The following FANCD2 variants were observed in gnomAD, a reference collection of about 807,000 sequenced individuals.
The protein encoded by FANCD2 is Fanconi anemia group D2 protein.
Under a neutral mutation model 192.3 loss-of-function variants are expected in FANCD2, and 131 were observed. The observed-to-expected ratio is 0.68, with a 90% CI of 0.59 to 0.79. FANCD2 has a LOEUF of 0.79. Ranked by LOEUF, FANCD2 falls within the 30% of genes least tolerant of loss-of-function variation. The pLI, the probability that FANCD2 is intolerant of heterozygous loss-of-function variation, is 0.00. For synonymous variants in FANCD2, 524 were observed against 612.5 expected, an observed-to-expected ratio of 0.86 and a Z score of 2.13; for missense variants, 1,508 against 1,701.6, an observed-to-expected ratio of 0.89 and a Z score of 2.00.
chr3:10,042,894 G>T lies in FANCD2; in HGVS notation c.889-156G>T, dbSNP rs572288778. On this transcript the variant is annotated intron_variant, in intron 11 of 43. Transcript: ENST00000675286. Reference sequence around the variant, plus strand: ...TTTGGGTATGATGTTCTATGACATTGCATTGGCTATTCTCATAACTCTATT... The same window carrying T: ...TTTGGGTATGATGTTCTATGACATTTCATTGGCTATTCTCATAACTCTATT... Among the ~76,000 whole-genome samples, 11 of 152,288 alleles carry T rather than the reference G, an allele frequency of 7.2e-5. No individual in the cohort carries two copies. In the South Asian group the frequency reaches 1.0e-3, roughly 14 times the overall value.
In FANCD2 at chr3:10,095,185, A is replaced by G; in HGVS notation, c.3964-15A>G. ...AGGACATTTCATAGAGCATTTATAA[A>G]CTTATTGGTTATAGGAAGATGTTCT... On this transcript the variant is annotated splice_polypyrimidine_tract_variant and intron_variant, in intron 40 of 43. Coordinates refer to ENST00000675286, the MANE Select transcript of FANCD2 (RefSeq NM_001018115.3). The G allele has an allele frequency of 6.2e-7, 1 of 1,605,814 alleles. No individual in the cohort carries two copies.
chr3:10,094,768 A>T, intron 40 of FANCD2: 1 of 315,830 alleles, frequency 3.2e-6, no homozygotes, highest in Non-Finnish European at 6.1e-6. Flanking sequence ...CAGTCTTGAC[A>T]GTTTTTTAGC....
chr3:10,083,240 T>A (rs576558480), intron 32 of FANCD2, among the ~76,000 whole-genome samples: 161 of 151,026 alleles, frequency 1.1e-3, no homozygotes, highest in African/African-American at 3.8e-3. Context: ...AAAAAAAAAA[T>A]CTGGGCCCCA....
In FANCD2 at chr3:10,076,695, A is replaced by G. The variant is rs138668703; in HGVS notation, c.2860-1386A>G. Among the ~76,000 whole-genome samples, 1,224 of 152,160 alleles carry G rather than the reference A, an allele frequency of 8.0e-3. 18 individuals are homozygous for G. Among genetic ancestry groups the G allele is most frequent in the African/African-American group, 0.028 (1,147 of 41,524 alleles). On this transcript the variant is annotated intron_variant, in intron 29 of 43. Transcript: ENST00000675286. ...CTTCCAAGTATCTAGGGCCACTGGC[A>G]TGCCCCACTACACCCGGCTAGTTTT...
chr3:10,046,873 T>C lies in FANCD2; in HGVS notation c.1278+150T>C. 4.1e-6 allele frequency: 3 copies of C among 731,856 alleles called. No individual in the cohort carries two copies. In the South Asian group the frequency reaches 5.4e-5, roughly 13 times the overall value. 45.3% of individuals were successfully genotyped at this position (731,856 alleles called of 1,614,324 possible). ...TAATCATTTTAATTGTCTATCTCAA[T>C]GCAGTTTGCAACTTTGACAAACTGG... On this transcript the variant is annotated intron_variant, in intron 15 of 43. Coordinates refer to ENST00000675286, the MANE Select transcript of FANCD2 (RefSeq NM_001018115.3).
chr3:10,093,320 G>A lies in FANCD2; in HGVS notation c.3885G>A (p.Leu1295=), dbSNP rs759280640. 2.5e-6 allele frequency: 4 copies of A among 1,611,780 alleles called. No individual in the cohort carries two copies. In the South Asian group the frequency reaches 4.4e-5, roughly 18 times the overall value. ...GTCATCCTGTTCTGCATGTATGTTT[G>A]AAGGTGAGAGATTTACTGGGCCCTG... ...FDSHPVLHVC[L]KYGRLFVEAF... The change falls in exon 39 of 44, where the codon TTG becomes TTA. Residue 1295 remains leucine, a synonymous_variant. Transcript: ENST00000675286.
Position 10,087,244 on chromosome 3 carries a change from C to G in FANCD2, c.3446C>G (p.Ala1149Gly), listed in dbSNP as rs147675860. 1 of 1,605,114 alleles carries G rather than the reference C, an allele frequency of 6.2e-7. No homozygotes were observed. Among genetic ancestry groups the G allele is most frequent in the Non-Finnish European group, 8.5e-7 (1 of 1,176,716 alleles). ...ATTTTGGAGAAATCAACAGCTTCTG[C>G]TCAGAACAAAGAAAAAATTGGTGAT... ...MVILEKSTAS[A>G]QNKEKIASLA... Residue 1149 changes from alanine to glycine, a missense_variant, in exon 34 of 44, where the codon GCT (alanine) becomes GGT (glycine). By Grantham distance (60) the Ala-to-Gly change is moderately conservative. Transcript: ENST00000675286.
At chr3:10,076,628 G>C (rs1376296859) in intron 29 of FANCD2, among the ~76,000 whole-genome samples, 1 of 151,992 alleles carries the variant, frequency 6.6e-6, no homozygotes, top group Non-Finnish European at 1.5e-5. Flanking sequence ...CTGCAACCTT[G>C]AACTCCTGGG....
intron 32 of FANCD2, among the ~76,000 whole-genome samples, chr3:10,084,139 G>A (rs544820499): frequency 4.6e-5 from 7 of 151,532 alleles, no homozygotes; most frequent in South Asian, 2.1e-4. Flanking sequence ...GATTACATGC[G>A]CCTGCCACTG....
chr3:10,035,387 G>A (rs570726877), intron 6 of FANCD2, among the ~76,000 whole-genome samples, 154 bp downstream of exon 6: 1 of 152,126 alleles, frequency 6.6e-6, no homozygotes, highest in African/African-American at 2.4e-5. Flanking sequence ...GATGGGTTTG[G>A]TAGGGTAATG....
At chr3:10,055,998 C>T (rs2125020229) in intron 18 of FANCD2, among the ~76,000 whole-genome samples, 1 of 152,272 alleles carries the variant, frequency 6.6e-6, no homozygotes, top group Admixed American at 6.5e-5. Context: ...CTTGCCTCAG[C>T]CTCCTGAGTA....
At chr3:10,059,815 A>T (rs1325058828) in intron 18 of FANCD2, among the ~76,000 whole-genome samples, 1 of 151,998 alleles carries the variant, frequency 6.6e-6, no homozygotes, top group African/African-American at 2.4e-5. Flanking sequence ...CAAAGAAAAA[A>T]AAAAAAAGTC....
intron 43 of FANCD2, among the ~76,000 whole-genome samples, chr3:10,100,983 C>T (rs554984781): frequency 2.0e-5 from 3 of 151,926 alleles, no homozygotes; most frequent in South Asian, 2.1e-4. Context: ...GCAGGGGAAT[C>T]GCTTGAACCC....
At chr3:10,053,936 A>G (rs1041021559) in intron 18 of FANCD2, among the ~76,000 whole-genome samples, 2 of 152,110 alleles carry the variant, frequency 1.3e-5, no homozygotes, top group Non-Finnish European at 2.9e-5. Flanking sequence ...GGCGCCATTC[A>G]CTGAAAAAGC....
intron 6 of FANCD2, 151 bp from the exon 7 acceptor site, chr3:10,036,136 G>A: frequency 1.8e-6 from 1 of 552,754 alleles, no homozygotes; most frequent in South Asian, 1.8e-5. Flanking sequence ...ACCCAGGCTG[G>A]AGTGGAGTGG....
rs752360517 is a variant in FANCD2 at position 10,043,064 on chromosome 3, T to C, written c.903T>C (p.Leu301=). The C allele has an allele frequency of 6.2e-7, 1 of 1,614,100 alleles. No homozygotes were observed. Among genetic ancestry groups the C allele is most frequent in the Admixed American group, 1.7e-5 (1 of 60,016 alleles). Residue 301 remains leucine (L), a synonymous_variant, in exon 12 of 44, where the codon CTT becomes CTC. Coordinates refer to ENST00000675286, the MANE Select transcript of FANCD2 (RefSeq NM_001018115.3). ...ACTTTCTGCAGGTAATTTCTGAGCT[T>C]CGGGAGAAGTTGGATCTGCAGCATT... ...AMDTLEVISE[L]REKLDLQHCV...
chr3:10,030,272 T>A (rs183267315), intron 2 of FANCD2, among the ~76,000 whole-genome samples: 18 of 151,680 alleles, frequency 1.2e-4, no homozygotes, highest in Admixed American at 2.0e-4. Context: ...AATTTTTGTA[T>A]TTTTAGTAGA....
chr3:10,054,353 GTATATATATATATACGTGTATATA>G (rs2087312873), intron 18 of FANCD2, among the ~76,000 whole-genome samples: 1 of 103,204 alleles, frequency 9.7e-6, no homozygotes, highest in African/African-American at 4.9e-5. Flanking sequence ...ATATATATAC[GTATATATATATATACGTGTATATA>G]CATATATATA....
Position 10,050,101 on chromosome 3 carries a change from C to T in FANCD2, c.1545+596C>T, listed in dbSNP as rs35966961. On this transcript the variant is annotated intron_variant, in intron 17 of 43. Transcript: ENST00000675286. ...CAAATAACATGCTAAAGAGTTTCAACTTTATTTTTTAGACAATAAGGAGCT... is the reference window on the plus strand; with the variant it reads ...CAAATAACATGCTAAAGAGTTTCAATTTTATTTTTTAGACAATAAGGAGCT... Among the ~76,000 whole-genome samples the T allele has an allele frequency of 4.4e-3, 674 of 152,234 alleles. 6 individuals carry two copies. The highest frequency in any genetic ancestry group is 0.015 in the African/African-American group (630 of 41,540).
Sources: gnomAD v4.1 joint callset for allele counts (sites outside exome capture counted in the v4.1 genomes callset) on GRCh38, gnomAD v4.1.1 for gene constraint, MANE v1.5 for transcripts, NCBI Gene and HGNC (gene_info 2026-07-23, HGNC 2026-07-21) for gene names.